The following CACNB4 variants were observed in gnomAD, a reference collection of about 807,000 sequenced individuals.
CACNB4 encodes voltage-dependent L-type calcium channel subunit beta-4.
CACNB4 carries 32 observed loss-of-function variants against 71.2 expected under a neutral mutation model. The observed-to-expected ratio is 0.45, with a 90% CI of 0.34 to 0.60. The LOEUF (loss-of-function observed/expected upper bound fraction) is 0.60, where lower values mean the gene tolerates loss of function less well. Ranked by LOEUF, CACNB4 falls within the 20% of genes least tolerant of loss-of-function variation. CACNB4 has a pLI of 0.01. For synonymous variants in CACNB4, 231 were observed against 236.9 expected, an observed-to-expected ratio of 0.97 and a Z score of 0.23; for missense variants, 464 against 647.9, an observed-to-expected ratio of 0.72 and a Z score of 3.08.
At chr2:151,881,355 C>G (rs2099847793) in intron 3 of CACNB4, among the ~76,000 whole-genome samples, 1 of 151,682 alleles carries the variant, frequency 6.6e-6, no homozygotes, top group Non-Finnish European at 1.5e-5. Flanking sequence ...TTAAATAGTC[C>G]AGATCTGAAA....
At chr2:152,081,286 A>C (rs972046238) in intron 2 of CACNB4, among the ~76,000 whole-genome samples, 1 of 152,168 alleles carries the variant, frequency 6.6e-6, no homozygotes, top group Non-Finnish European at 1.5e-5. Context: ...GTAACAAAAT[A>C]CCACAGAATG....
At chr2:151,950,376 T>C (rs752370052) in intron 2 of CACNB4, among the ~76,000 whole-genome samples, 2 of 152,234 alleles carry the variant, frequency 1.3e-5, no homozygotes, top group East Asian at 3.8e-4. Context: ...TCAAAACTAA[T>C]GGCCCATGCT....
chr2:151,995,426 A>C (rs1681986485), intron 2 of CACNB4, among the ~76,000 whole-genome samples: 1 of 152,158 alleles, frequency 6.6e-6, no homozygotes, highest in Non-Finnish European at 1.5e-5. Flanking sequence ...GGCATTAGCC[A>C]AAAAAATAAG....
chr2:151,856,766 G>A (rs903533132), intron 10 of CACNB4: 1 of 152,250 alleles, frequency 6.6e-6, no homozygotes, highest in Non-Finnish European at 1.5e-5. Context: ...ATGCTGGAGT[G>A]CAGTGGTACA....
chr2:152,034,929 G>C (rs6728438), intron 2 of CACNB4, among the ~76,000 whole-genome samples: 1 of 152,180 alleles, frequency 6.6e-6, no homozygotes, highest in Non-Finnish European at 1.5e-5. Flanking sequence ...CAAAGGAATC[G>C]TGAGTGCAGC....
chr2:152,012,234 A>C (rs1422207414), intron 2 of CACNB4, among the ~76,000 whole-genome samples: 1 of 152,100 alleles, frequency 6.6e-6, no homozygotes, highest in Non-Finnish European at 1.5e-5. Context: ...CAGTGCGAAA[A>C]GATGTGGAGA....
At chr2:152,034,731 C>G (rs1684466518) in intron 2 of CACNB4, among the ~76,000 whole-genome samples, 2 of 152,158 alleles carry the variant, frequency 1.3e-5, no homozygotes, top group South Asian at 4.1e-4. Flanking sequence ...CTTTCTACAA[C>G]AGCACCCCCA....
At chr2:151,948,438 T>C (rs1321098053) in intron 2 of CACNB4, among the ~76,000 whole-genome samples, 3 of 152,172 alleles carry the variant, frequency 2.0e-5, no homozygotes, top group South Asian at 2.1e-4. Flanking sequence ...GGAGGGTGGA[T>C]TGGTTGAGCC....
intron 2 of CACNB4, among the ~76,000 whole-genome samples, chr2:152,041,609 C>A (rs1684878687): frequency 6.6e-6 from 1 of 152,072 alleles, no homozygotes; most frequent in African/African-American, 2.4e-5. Flanking sequence ...ACAGAAACTG[C>A]AGGAAGAAAG....
At chr2:151,867,815 C>T (rs1397770739) in intron 9 of CACNB4, 1 of 152,164 alleles carries the variant, frequency 6.6e-6, no homozygotes, top group Non-Finnish European at 1.5e-5. Context: ...GCTAAGGGCC[C>T]CAAATGACAG....
In CACNB4 at chr2:152,002,681, T is replaced by C. The variant is rs1209260288; in HGVS notation, c.147+95649A>G. Among the ~76,000 whole-genome samples, 4 of 152,350 alleles carry C rather than the reference T, an allele frequency of 2.6e-5. No individual in the cohort carries two copies. The South Asian group carries it at 8.3e-4, about 32-fold the overall frequency. On this transcript the variant is annotated intron_variant, in intron 2 of 13. Coordinates refer to ENST00000539935, the MANE Select transcript of CACNB4 (RefSeq NM_000726.5). The stretch of plus-strand genomic sequence containing the variant: ...TACCTTATACCACACAGAGTTGCTG[T>C]AAGAATTCAATGTAACCACATGTGA...
chr2:151,875,665 T>C (rs372014003), intron 5 of CACNB4, among the ~76,000 whole-genome samples: 183 of 58,976 alleles, frequency 3.1e-3, no homozygotes, highest in East Asian at 8.0e-3. Flanking sequence ...GCTGGCCGGG[T>C]GGGGGGCTGA....
rs769794969 is a variant in CACNB4, at chr2:151,838,160, G to A, written c.*959C>T. ...TTCCCACCTGGAAGTGTTTAGCATT[G>A]CACTCGGGAGGATTGGTACCACATC... On this transcript the variant is annotated 3_prime_UTR_variant, in exon 14 of 14. Transcript: ENST00000539935. The A allele has an allele frequency of 6.6e-6, 1 of 152,556 alleles. No homozygotes were observed. The highest frequency in any genetic ancestry group is 1.5e-5 in the Non-Finnish European group (1 of 68,030). 9.5% of individuals were successfully genotyped at this position (152,556 alleles called of 1,614,324 possible). A position where few individuals can be genotyped will look rare whatever the true frequency, so the allele number is the denominator to read the frequency against.
chr2:152,019,336 A>G (rs1482611022), intron 2 of CACNB4, among the ~76,000 whole-genome samples: 1 of 152,202 alleles, frequency 6.6e-6, no homozygotes, highest in East Asian at 1.9e-4. Context: ...TCTCACTTCT[A>G]CGTTTGATGG....
chr2:151,852,689 ATT>A (rs1180911767), intron 12 of CACNB4: 1 of 152,232 alleles, frequency 6.6e-6, no homozygotes, highest in Non-Finnish European at 1.5e-5. Context: ...CTCTCTAAAC[ATT>A]TGAATCAGAT....
rs1439570551 is a variant in CACNB4, at chr2:152,015,842, TA to T, written c.147+82487del. ...CTGTGTTTGTTACCACAGCCCAACA[TA>T]GCCTTTATACTTGGAACTGCCCACC... On this transcript the variant is annotated intron_variant, in intron 2 of 13. Transcript: ENST00000539935. 3.3e-5 allele frequency among the ~76,000 whole-genome samples: 5 copies of T among 152,234 alleles called. 1 individual carries two copies. Among genetic ancestry groups the T allele is most frequent in the Non-Finnish European group, 7.4e-5 (5 of 68,026 alleles).
intron 2 of CACNB4, among the ~76,000 whole-genome samples, chr2:151,899,262 A>G (rs2099852816): frequency 1.3e-5 from 2 of 152,254 alleles, no homozygotes; most frequent in Admixed American, 1.3e-4. Flanking sequence ...ACAAAGACCA[A>G]GAACTCTCTG....
chr2:151,855,372 T>G lies in CACNB4; in HGVS notation c.872A>C (p.Glu291Ala). 2 of 1,584,260 alleles carry G rather than the reference T, an allele frequency of 1.3e-6. No homozygotes were observed. Among genetic ancestry groups the G allele is most frequent in the South Asian group, 2.2e-5 (2 of 89,016 alleles). Residue 291 changes from glutamate to alanine, a missense_variant, in exon 11 of 14, where the codon GAA becomes GCA. Glu to Ala is a moderately radical substitution (Grantham distance 107, BLOSUM62 -1). Coordinates refer to ENST00000539935, the MANE Select transcript of CACNB4 (RefSeq NM_000726.5). Reference sequence around the variant, plus strand: ...GATTCTTTCAATTTCACTTTGTACTTCCGCTTAAAGGAAAAATAATAAATA... The same window carrying G: ...GATTCTTTCAATTTCACTTTGTACTGCCGCTTAAAGGAAAAATAATAAATA... The part of the protein sequence containing the change: ...ERSNTRSSLA[E>A]VQSEIERIFE...
intron 2 of CACNB4, among the ~76,000 whole-genome samples, chr2:151,994,253 A>G (rs183383778): frequency 8.7e-4 from 132 of 151,724 alleles, no homozygotes; most frequent in Admixed American, 1.4e-3. Context: ...TTTTTCAGAC[A>G]CTGTCTCACT....
Sources: gnomAD v4.1 joint callset for allele counts (sites outside exome capture counted in the v4.1 genomes callset) on GRCh38, gnomAD v4.1.1 for gene constraint, MANE v1.5 for transcripts, NCBI Gene and HGNC (gene_info 2026-07-23, HGNC 2026-07-21) for gene names.